The following ARSJ variants were observed in gnomAD, a reference collection of about 807,000 sequenced individuals.
ARSJ encodes the protein arylsulfatase family member J.
ARSJ carries 26 observed loss-of-function variants against 35.9 expected under a neutral mutation model. That is an observed-to-expected ratio of 0.72 (90% confidence interval 0.53 to 1.00). The LOEUF is 1.00. ARSJ is among the 50% of genes least tolerant of loss of function. The probability of loss-of-function intolerance (pLI) is 0.00; values close to 1 mark genes in which losing one functional copy is unlikely to be tolerated. For synonymous variants in ARSJ, 294 were observed against 267.6 expected (o/e 1.10, Z -0.96); for missense variants, 667 against 723.6 (o/e 0.92, Z 0.90).
Position 113,978,902 on chromosome 4 carries a change from T to G in ARSJ, c.-68A>C. On this transcript the variant is annotated 5_prime_UTR_variant, in exon 1 of 2. An upstream start codon of the reference 5' UTR is lost. Transcript: ENST00000315366. ...CCCCGCGCCGCTGCGGGCGCACACA[T>G]GCACCCAACAGACGGTGAAGACTCT... 1 of 1,483,578 alleles carries G rather than the reference T, an allele frequency of 6.7e-7. No individual in the cohort carries two copies. Among genetic ancestry groups the G allele is most frequent in the Non-Finnish European group, 9.0e-7 (1 of 1,106,754 alleles). 91.9% of individuals were successfully genotyped at this position (1,483,578 alleles called of 1,614,324 possible).
intron 1 of ARSJ, among the ~76,000 whole-genome samples, chr4:113,905,660 A>ATT (rs766150372): frequency 0.024 from 1,924 of 81,790 alleles, 328 homozygotes; most frequent in African/African-American, 0.039. Flanking sequence ...GTTCTTGATA[A>ATT]TTTTTTTTTT....
intron 1 of ARSJ, among the ~76,000 whole-genome samples, chr4:113,967,677 G>C (rs1726981678): frequency 6.6e-6 from 1 of 152,030 alleles, no homozygotes. Flanking sequence ...AATTATGCTT[G>C]AACAATTACT....
At chr4:113,931,618 G>A (rs543766861) in intron 1 of ARSJ, among the ~76,000 whole-genome samples, 5 of 152,140 alleles carry the variant, frequency 3.3e-5, no homozygotes, top group South Asian at 2.1e-4. Context: ...TTTGGAGTCC[G>A]GAGAGGTTAA....
chr4:113,978,926 C>A lies in ARSJ; in HGVS notation c.-92G>T. 1 of 1,352,384 alleles carries A rather than the reference C, an allele frequency of 7.4e-7. No homozygotes were observed. The highest frequency in any genetic ancestry group is 1.0e-6 in the Non-Finnish European group (1 of 996,868). The allele number at this position is 1,352,384 out of a possible 1,614,324, so 83.8% of individuals were successfully genotyped here. On this transcript the variant is annotated 5_prime_UTR_variant, in exon 1 of 2. Transcript: ENST00000315366. Reference sequence around the variant, plus strand: ...ATGCACCCAACAGACGGTGAAGACTCTCCACCTGGCAAGAAATCCTCCTCT... The same window carrying A: ...ATGCACCCAACAGACGGTGAAGACTATCCACCTGGCAAGAAATCCTCCTCT...
rs2149243737 is a variant in ARSJ, at chr4:113,900,430, A to G, written c.*1844T>C. ...AAATGTTAAAATTAAAATCATTTAA[A>G]TCATCTTACCCAATTTAGTAATTTC... On this transcript the variant is annotated 3_prime_UTR_variant, in exon 2 of 2. Transcript: ENST00000315366. 1 of 152,326 alleles carries G rather than the reference A, an allele frequency of 6.6e-6. No homozygotes were observed. Among genetic ancestry groups the G allele is most frequent in the Non-Finnish European group, 1.5e-5 (1 of 68,030 alleles). The allele number at this position is 152,326 out of a possible 1,614,324, so 9.4% of individuals were successfully genotyped here.
intron 1 of ARSJ, among the ~76,000 whole-genome samples, chr4:113,958,183 T>C (rs574796595): frequency 1.3e-5 from 2 of 151,928 alleles, no homozygotes; most frequent in Non-Finnish European, 2.9e-5. Context: ...AAACAAACCA[T>C]GGAAAAGCAA....
At chr4:113,930,463 T>C (rs2149263848) in intron 1 of ARSJ, among the ~76,000 whole-genome samples, 1 of 152,212 alleles carries the variant, frequency 6.6e-6, no homozygotes, top group Admixed American at 6.5e-5. Flanking sequence ...GGCAACACCC[T>C]CACAGACACA....
intron 1 of ARSJ, among the ~76,000 whole-genome samples, chr4:113,945,038 T>C (rs1725389285): frequency 6.6e-6 from 1 of 152,138 alleles, no homozygotes; most frequent in South Asian, 2.1e-4. Flanking sequence ...GAATAATTTA[T>C]TTAGCTTTTG....
chr4:113,921,484 C>T (rs1053137381), intron 1 of ARSJ, among the ~76,000 whole-genome samples: 1 of 152,048 alleles, frequency 6.6e-6, no homozygotes, highest in African/African-American at 2.4e-5. Flanking sequence ...AAGTTATTCA[C>T]CTGAAACTAC....
At chr4:113,959,761 TA>T (rs1398343389) in intron 1 of ARSJ, among the ~76,000 whole-genome samples, 6 of 152,132 alleles carry the variant, frequency 3.9e-5, no homozygotes, top group Non-Finnish European at 4.4e-5. Flanking sequence ...AGAATGTGTT[TA>T]TATGGTTGCA....
At chr4:113,962,317 A>C (rs1444358629) in intron 1 of ARSJ, among the ~76,000 whole-genome samples, 3 of 152,058 alleles carry the variant, frequency 2.0e-5, no homozygotes, top group Non-Finnish European at 2.9e-5. Flanking sequence ...CTATGATAAA[A>C]GAAAAAAAAA....
chr4:113,978,510 C>A lies in ARSJ; in HGVS notation c.325G>T (p.Glu109Ter). The A allele has an allele frequency of 6.2e-7, 1 of 1,614,146 alleles. No homozygotes were observed. The highest frequency in any genetic ancestry group is 8.5e-7 in the Non-Finnish European group (1 of 1,179,964). ...KTPTLDKLAA[E>*]GVKLENYYVQ... is the part of the protein sequence containing the mutation. ...TAGTAGTTCTCCAGTTTAACTCCTT[C>A]GGCAGCGAGCTTGTCAAGAGTAGGT... Residue 109 changes from glutamate to a stop codon, truncating the protein, a stop_gained, in exon 1 of 2, where the codon GAA (glutamate) becomes TAA (stop). Transcript: ENST00000315366. LOFTEE classifies it high-confidence loss of function.
At chr4:113,907,840 G>A (rs1266779474) in intron 1 of ARSJ, among the ~76,000 whole-genome samples, 1 of 152,142 alleles carries the variant, frequency 6.6e-6, no homozygotes, top group Non-Finnish European at 1.5e-5. Context: ...CACAGAAACA[G>A]AAAACCAAAT....
rs115253579 is a variant in ARSJ, at chr4:113,965,394, T to C, written c.398+13043A>G. Among the ~76,000 whole-genome samples, 663 of 152,228 alleles carry C rather than the reference T, an allele frequency of 4.4e-3. 6 individuals are homozygous for C. The highest frequency in any genetic ancestry group is 0.015 in the African/African-American group (632 of 41,576). On this transcript the variant is annotated intron_variant, in intron 1 of 1. Coordinates refer to ENST00000315366, the MANE Select transcript of ARSJ (RefSeq NM_024590.4). ...TAACAAACCCATCCTGTCAGCCATC[T>C]GAATAATGTCATTGAAAAATCCTAG...
In ARSJ at chr4:113,903,231, G is replaced by A; in HGVS notation, c.843C>T (p.His281=). The A allele has an allele frequency of 6.2e-7, 1 of 1,614,230 alleles. No homozygotes were observed. The highest frequency in any genetic ancestry group is 8.5e-7 in the Non-Finnish European group (1 of 1,180,040). Reference sequence around the variant, plus strand: ...TGTTTATGTTGATAATGGATCGGTAGTGTTCGAAATACCTGCCAGGAGCTT... The same window carrying A: ...TGTTTATGTTGATAATGGATCGGTAATGTTCGAAATACCTGCCAGGAGCTT... ...PLQAPGRYFE[H]YRSIININRR... Residue 281 remains histidine, a synonymous_variant, in exon 2 of 2, where the codon CAC becomes CAT. Coordinates refer to ENST00000315366, the MANE Select transcript of ARSJ (RefSeq NM_024590.4).
At chr4:113,914,781 G>A (rs1723186086) in intron 1 of ARSJ, among the ~76,000 whole-genome samples, 3 of 152,170 alleles carry the variant, frequency 2.0e-5, no homozygotes, top group South Asian at 4.1e-4. Flanking sequence ...ATAAAGAATA[G>A]TGAGAGTTTA....
rs1236015406 is a variant in ARSJ, at chr4:113,902,061, CT to C, written c.*212del. On this transcript the variant is annotated 3_prime_UTR_variant, in exon 2 of 2. Coordinates refer to ENST00000315366, the MANE Select transcript of ARSJ (RefSeq NM_024590.4). ...AGAGAAATAAACATCTCCACTCTCT[CT>C]AAGTGTGGCTTGCAAGAGTAGCACC... is the stretch of plus-strand genomic sequence containing the variant. 2.7e-6 allele frequency: 4 copies of C among 1,459,370 alleles called. No individual in the cohort carries two copies. Among genetic ancestry groups the C allele is most frequent in the Non-Finnish European group, 3.7e-6 (4 of 1,080,438 alleles). 90.4% of individuals were successfully genotyped at this position (1,459,370 alleles called of 1,614,324 possible).
At chr4:113,941,626 A>G (rs1183946133) in intron 1 of ARSJ, among the ~76,000 whole-genome samples, 1 of 150,494 alleles carries the variant, frequency 6.6e-6, no homozygotes, top group Non-Finnish European at 1.5e-5. Flanking sequence ...CACATGAATT[A>G]AATATATAAT....
chr4:113,968,773 A>G (rs974242630), intron 1 of ARSJ, among the ~76,000 whole-genome samples: 2 of 152,232 alleles, frequency 1.3e-5, no homozygotes, highest in African/African-American at 4.8e-5. Flanking sequence ...GAAACTTCTA[A>G]AAATTTTAAG....
Sources: allele counts gnomAD v4.1 joint callset (sites outside exome capture counted in the v4.1 genomes callset), GRCh38; gene constraint gnomAD v4.1.1; transcripts MANE v1.5; gene names NCBI Gene and HGNC (gene_info 2026-07-23, HGNC 2026-07-21).